CARMIL1: variants seen among roughly 807,000 people sequenced by gnomAD.
CARMIL1 encodes capping protein regulator and myosin 1 linker 1, also known as F-actin-uncapping protein LRRC16A.
In CARMIL1, 90 loss-of-function variants were observed where a neutral mutation model predicts 177.1. The ratio of observed to expected loss-of-function variants is 0.51; its 90% CI spans 0.43 to 0.61. The LOEUF (loss-of-function observed/expected upper bound fraction) is 0.61, where lower values mean the gene tolerates loss of function less well. Ranked by LOEUF, CARMIL1 falls within the 20% of genes least tolerant of loss-of-function variation. The pLI, the probability that CARMIL1 is intolerant of heterozygous loss-of-function variation, is 0.00. For synonymous variants in CARMIL1, 577 were observed against 606.2 expected, an observed-to-expected ratio of 0.95 and a Z score of 0.71; for missense variants, 1,380 against 1,667.0, an observed-to-expected ratio of 0.83 and a Z score of 3.00.
chr6:25,497,202 T>C (rs1289410529), intron 16 of CARMIL1, among the ~76,000 whole-genome samples: 2 of 152,216 alleles, frequency 1.3e-5, no homozygotes, highest in African/African-American at 2.4e-5. Context: ...CTCAGGTTTA[T>C]GTGTGAGAGG....
In CARMIL1 at chr6:25,418,695, A is replaced by G. The variant is rs189304453; in HGVS notation, c.139-1419A>G. Reference sequence around the variant, plus strand: ...AGCATTGAGAAGGCACTGGTTGCCTACACTTTTAGAAGTCATTTATTAATG... The same window carrying G: ...AGCATTGAGAAGGCACTGGTTGCCTGCACTTTTAGAAGTCATTTATTAATG... On this transcript the variant is annotated intron_variant, in intron 2 of 36. Transcript: ENST00000329474. Among the ~76,000 whole-genome samples, 7 of 152,312 alleles carry G rather than the reference A, an allele frequency of 4.6e-5. No individual in the cohort carries two copies. In the East Asian group the frequency reaches 1.4e-3, roughly 29 times the overall value.
At chr6:25,541,802 G>A (rs1290835468) in intron 26 of CARMIL1, among the ~76,000 whole-genome samples, 22 of 151,790 alleles carry the variant, frequency 1.4e-4, no homozygotes, top group South Asian at 2.1e-4. Context: ...TACAGGTGCC[G>A]GCCACCACAC....
chr6:25,565,576 G>A (rs547873709), intron 29 of CARMIL1, among the ~76,000 whole-genome samples: 6 of 152,202 alleles, frequency 3.9e-5, no homozygotes, highest in Non-Finnish European at 5.9e-5. Flanking sequence ...GCTAGGTACA[G>A]TGGCTCACGC....
chr6:25,600,507 G>A lies in CARMIL1; in HGVS notation c.3313G>A (p.Asp1105Asn), dbSNP rs115507139. Residue 1105 changes from aspartate to asparagine, a missense_variant, in exon 33 of 37, where the codon GAC becomes AAC. Transcript: ENST00000329474. Reference protein sequence around the residue: ...PKGAVRSPPVDCPRKDTKAAE... With the variant: ...PKGAVRSPPVNCPRKDTKAAE... ...AGGGGCAGTCAGAAGTCCACCTGTG[G>A]ACTGTCCCAGGAAGGACACAAAGGC... 2,060 of 1,614,028 alleles carry A rather than the reference G, an allele frequency of 1.3e-3. 21 individuals are homozygous for A. The African/African-American group carries it at 0.024, about 19-fold the overall frequency.
intron 8 of CARMIL1, chr6:25,451,986 G>GCCGCC: frequency 8.9e-6 from 1 of 112,672 alleles, no homozygotes. Context: ...CTAGCATCTT[G>GCCGCC]CCCCCCCCTC....
At position 25,509,509 on chromosome 6, in the gene CARMIL1, A is replaced by G; in HGVS notation, c.1396-147A>G. On this transcript the variant is annotated intron_variant, in intron 17 of 36. Transcript: ENST00000329474. The surrounding 1 kb of genome is among the most constrained non-coding windows in gnomAD (Gnocchi z 4.1). ...AGTGATAGGCTCTTTACCCACTGAT[A>G]ATAGCTTCTTTGGAGTTGATAAGCT... 3.2e-6 allele frequency: 2 copies of G among 632,566 alleles called. No homozygotes were observed. 39.2% of individuals were successfully genotyped at this position (632,566 alleles called of 1,614,324 possible). A position where few individuals can be genotyped will look rare whatever the true frequency, so the allele number is the denominator to read the frequency against.
intron 4 of CARMIL1, among the ~76,000 whole-genome samples, chr6:25,427,791 A>G (rs1796403552): frequency 1.3e-5 from 2 of 152,134 alleles, no homozygotes; most frequent in Admixed American, 6.6e-5. Flanking sequence ...TTTAATTTGC[A>G]TTTCCCTAAT....
chr6:25,477,852 C>CTTTTT (rs56068417), intron 11 of CARMIL1, among the ~76,000 whole-genome samples: 6 of 98,020 alleles, frequency 6.1e-5, no homozygotes, highest in East Asian at 6.1e-4. Context: ...CTTCTCATCA[C>CTTTTT]TTTTTTTTTT....
intron 2 of CARMIL1, among the ~76,000 whole-genome samples, chr6:25,299,226 A>G (rs1221454161): frequency 6.9e-6 from 1 of 144,740 alleles, no homozygotes; most frequent in Non-Finnish European, 1.5e-5. Flanking sequence ...GCTGGAGTGC[A>G]GTGGTGCAAT....
At chr6:25,468,134 T>C (rs891917286) in intron 9 of CARMIL1, among the ~76,000 whole-genome samples, 5 of 151,990 alleles carry the variant, frequency 3.3e-5, no homozygotes, top group Admixed American at 2.6e-4. Context: ...ACAGGAAAAA[T>C]ATGACTTTAT....
At position 25,387,669 on chromosome 6, in the gene CARMIL1, G is replaced by A. The variant is rs535189818; in HGVS notation, c.139-32445G>A. On this transcript the variant is annotated intron_variant, in intron 2 of 36. Coordinates refer to ENST00000329474, the MANE Select transcript of CARMIL1 (RefSeq NM_017640.6). ...AGCCATTCATGAGATTCAACCAATG[G>A]AAACATTAAACACAATGAGTGTGAG... Among the ~76,000 whole-genome samples, 64 of 152,260 alleles carry A rather than the reference G, an allele frequency of 4.2e-4. 2 individuals carry two copies. The South Asian group carries it at 0.011, about 27-fold the overall frequency.
At chr6:25,457,500 G>A (rs1799643810) in intron 8 of CARMIL1, among the ~76,000 whole-genome samples, 1 of 152,096 alleles carries the variant, frequency 6.6e-6, no homozygotes, top group Non-Finnish European at 1.5e-5. Flanking sequence ...ATATAAGTTA[G>A]GATAGCAGGA....
Position 25,594,418 on chromosome 6 carries a change from T to C in CARMIL1, c.3010T>C (p.Cys1004Arg). 3.1e-6 allele frequency: 5 copies of C among 1,601,926 alleles called. No individual in the cohort carries two copies. The highest frequency in any genetic ancestry group is 4.3e-6 in the Non-Finnish European group (5 of 1,171,616). Residue 1004 changes from cysteine (C) to arginine (R), a missense_variant, in exon 32 of 37, where the codon TGT becomes CGT. By Grantham distance (180) the Cys-to-Arg change is radical (BLOSUM62 -3). Coordinates refer to ENST00000329474, the MANE Select transcript of CARMIL1 (RefSeq NM_017640.6). ...KKQQPTQAAV[C>R]AANIVSQDGE... ...ATTACATCTGTTTGTTTTGCAGGTC[T>C]GTGCTGCCAACATAGTCTCACAAGA... is the stretch of plus-strand genomic sequence containing the variant.
In CARMIL1 at chr6:25,509,602, T is replaced by G. The variant is rs145122832; in HGVS notation, c.1396-54T>G. 388 of 1,172,378 alleles carry G rather than the reference T, an allele frequency of 3.3e-4. No individual in the cohort carries two copies. In the African/African-American group the frequency reaches 4.8e-3, roughly 15 times the overall value. 72.6% of individuals were successfully genotyped at this position (1,172,378 alleles called of 1,614,324 possible). On this transcript the variant is annotated intron_variant, in intron 17 of 36. Transcript: ENST00000329474. The surrounding 1 kb of genome is among the most constrained non-coding windows in gnomAD (Gnocchi z 4.1). Reference sequence around the variant, plus strand: ...TCTCTCCTATTTTTAATTTTTTGATTACATCTCCAGTAGAGTGAAGACTTT... The same window carrying G: ...TCTCTCCTATTTTTAATTTTTTGATGACATCTCCAGTAGAGTGAAGACTTT...
At chr6:25,350,954 G>C (rs968197238) in intron 2 of CARMIL1, 30 of 152,144 alleles carry the variant, frequency 2.0e-4, no homozygotes, top group African/African-American at 7.2e-4. Flanking sequence ...GGCATTCATT[G>C]GATGGTATCC....
At chr6:25,575,284 T>C (rs1241664566) in intron 29 of CARMIL1, among the ~76,000 whole-genome samples, 1 of 152,218 alleles carries the variant, frequency 6.6e-6, no homozygotes, top group African/African-American at 2.4e-5. Flanking sequence ...TTAATCTTCC[T>C]TCTATCAAAA....
At chr6:25,549,383 A>G (rs1406507006) in intron 26 of CARMIL1, among the ~76,000 whole-genome samples, 8 of 152,212 alleles carry the variant, frequency 5.3e-5, no homozygotes, top group Non-Finnish European at 1.2e-4. Context: ...CTATTACTCC[A>G]TCTAGAACAA....
Position 25,279,637 on chromosome 6 carries a change from G to T in CARMIL1, c.-159G>T, listed in dbSNP as rs1780911278. 1.5e-6 allele frequency: 1 copy of T among 664,784 alleles called. No individual in the cohort carries two copies. Among genetic ancestry groups the T allele is most frequent in the Non-Finnish European group, 2.7e-6 (1 of 369,994 alleles). 41.2% of individuals were successfully genotyped at this position (664,784 alleles called of 1,614,324 possible). ...TTTTTTTTTTTTTTGGTGGGGCGGG[G>T]GGCGCGCGGCAAAATTCTGTCTCCG... On this transcript the variant is annotated 5_prime_UTR_variant, in exon 1 of 37. Transcript: ENST00000329474.
chr6:25,482,156 A>G, intron 11 of CARMIL1, 101 bp from the exon 12 acceptor site: 2 of 645,224 alleles, frequency 3.1e-6, no homozygotes, highest in South Asian at 3.7e-5. Flanking sequence ...GAAAAATATG[A>G]TCACTTCAGT....
Sources: gnomAD v4.1 joint callset for allele counts (sites outside exome capture counted in the v4.1 genomes callset) on GRCh38, gnomAD v4.1.1 for gene constraint, Gnocchi (gnomAD v3.1) non-coding constraint, MANE v1.5 for transcripts, NCBI Gene and HGNC (gene_info 2026-07-23, HGNC 2026-07-21) for gene names.